The following ZMAT4 variants were observed in gnomAD, a reference collection of about 807,000 sequenced individuals.
ZMAT4 encodes the protein zinc finger matrin-type 4.
Under a neutral mutation model 28.7 loss-of-function variants are expected in ZMAT4, and 17 were observed. That is an observed-to-expected ratio of 0.59 (90% CI 0.41 to 0.89). ZMAT4 has a LOEUF of 0.89. Ranked by LOEUF, ZMAT4 falls within the 40% of genes least tolerant of loss-of-function variation. ZMAT4 has a pLI of 0.00. For synonymous variants in ZMAT4, 117 were observed against 109.2 expected (o/e 1.07, Z -0.44); for missense variants, 240 against 283.8 (o/e 0.85, Z 1.11).
At chr8:40,739,707 C>T (rs1313435789) in intron 3 of ZMAT4, among the ~76,000 whole-genome samples, 1 of 152,146 alleles carries the variant, frequency 6.6e-6, no homozygotes, top group Non-Finnish European at 1.5e-5. Context: ...TATACCTGTG[C>T]CGTGGTGTTC....
intron 5 of ZMAT4, among the ~76,000 whole-genome samples, chr8:40,646,444 C>T (rs1177680893): frequency 6.6e-6 from 1 of 151,724 alleles, no homozygotes; most frequent in African/African-American, 2.4e-5. Context: ...AGTATAAAAA[C>T]CTTACAGTCT....
intron 5 of ZMAT4, among the ~76,000 whole-genome samples, chr8:40,653,018 G>T (rs983133249): frequency 6.6e-6 from 1 of 151,738 alleles, no homozygotes; most frequent in South Asian, 2.1e-4. Context: ...CACCAGCATG[G>T]CACATGTATA....
chr8:40,693,618 C>A (rs763066203), intron 4 of ZMAT4, among the ~76,000 whole-genome samples: 2 of 152,184 alleles, frequency 1.3e-5, no homozygotes, highest in Non-Finnish European at 2.9e-5. Flanking sequence ...ATGTAAAGAA[C>A]CACATAGCAA....
At chr8:40,823,166 T>C (rs560735592) in intron 2 of ZMAT4, among the ~76,000 whole-genome samples, 5 of 152,116 alleles carry the variant, frequency 3.3e-5, no homozygotes, top group African/African-American at 9.6e-5. Flanking sequence ...TGAACACCTG[T>C]CATGGGCAGG....
At chr8:40,850,162 T>G (rs2150634498) in intron 1 of ZMAT4, among the ~76,000 whole-genome samples, 1 of 152,144 alleles carries the variant, frequency 6.6e-6, no homozygotes, top group Admixed American at 6.5e-5. Flanking sequence ...CATCTCACAA[T>G]CCATTCTTCA....
chr8:40,870,272 C>A (rs1248340514), intron 1 of ZMAT4, among the ~76,000 whole-genome samples: 1 of 152,196 alleles, frequency 6.6e-6, no homozygotes. Context: ...GTGGCCTCCC[C>A]TGGAGGCTCT....
chr8:40,889,156 A>C (rs1818574868), intron 1 of ZMAT4, among the ~76,000 whole-genome samples: 1 of 152,218 alleles, frequency 6.6e-6, no homozygotes, highest in Non-Finnish European at 1.5e-5. Context: ...AGGCCTGACC[A>C]CTGCAGGTGA....
chr8:40,674,605 A>T, intron 5 of ZMAT4, 99 bp downstream of exon 5: 6 of 984,028 alleles, frequency 6.1e-6, no homozygotes, highest in Admixed American at 4.3e-5. Flanking sequence ...TTTTTCCTTA[A>T]TAATTAAAGC....
At chr8:40,543,001 G>C (rs1344151864) in intron 6 of ZMAT4, among the ~76,000 whole-genome samples, 1 of 152,180 alleles carries the variant, frequency 6.6e-6, no homozygotes. Flanking sequence ...ACGTCACTCA[G>C]CTCCAAGTTC....
At position 40,550,712 on chromosome 8, in the gene ZMAT4, T is replaced by C. The variant is rs189550037; in HGVS notation, c.675-18474A>G. On this transcript the variant is annotated intron_variant, in intron 6 of 6. Transcript: ENST00000297737. ...CCATCCTGCTGCCCTGTGAGGAAGG[T>C]GCCTGCTTCCCCTTTGCCTTCCACC... is the stretch of plus-strand genomic sequence containing the variant. Among the ~76,000 whole-genome samples the C allele has an allele frequency of 7.8e-3, 1,184 of 152,212 alleles. 61 individuals are homozygous for C. Among genetic ancestry groups the C allele is most frequent in the Admixed American group, 0.074 (1,134 of 15,274 alleles).
intron 4 of ZMAT4, among the ~76,000 whole-genome samples, chr8:40,680,602 C>T (rs528484065): frequency 6.6e-6 from 1 of 151,884 alleles, no homozygotes; most frequent in Non-Finnish European, 1.5e-5. Flanking sequence ...GCCTGTCTGC[C>T]TTCTAGGCCC....
intron 5 of ZMAT4, among the ~76,000 whole-genome samples, chr8:40,626,811 G>A (rs371106365): frequency 1.3e-5 from 2 of 152,158 alleles, no homozygotes; most frequent in African/African-American, 2.4e-5. Context: ...AGCTGGGGAG[G>A]GGGGCTGGAG....
At chr8:40,581,681 CT>C (rs1804468230) in intron 5 of ZMAT4, among the ~76,000 whole-genome samples, 1 of 152,174 alleles carries the variant, frequency 6.6e-6, no homozygotes, top group Non-Finnish European at 1.5e-5. Context: ...GAAAATTCAA[CT>C]TTAGACATCA....
intron 2 of ZMAT4, among the ~76,000 whole-genome samples, chr8:40,798,512 G>A (rs1253362417): frequency 6.6e-6 from 1 of 152,152 alleles, no homozygotes; most frequent in Admixed American, 6.5e-5. Flanking sequence ...CTTACTCCCT[G>A]ACTGATTCCA....
Position 40,770,490 on chromosome 8 carries a change from CTCCCTCCCTCCT to C in ZMAT4, c.103-2772_103-2761del, listed in dbSNP as rs1266026177. 1.4e-4 allele frequency among the ~76,000 whole-genome samples: 22 copies of C among 151,740 alleles called. No individual in the cohort carries two copies. In the East Asian group the frequency reaches 1.7e-3, roughly 12 times the overall value. On this transcript the variant is annotated intron_variant, in intron 2 of 6. Transcript: ENST00000297737. Reference sequence around the variant, plus strand: ...TGCCAGGGAGCCCCCTCCTTCCTTCCTCCCTCCCTCCTTCCCTCCCTCCCTCCCTTTCTTCCT... The same window carrying C: ...TGCCAGGGAGCCCCCTCCTTCCTTCCTCCCTCCCTCCCTCCCTTTCTTCCT...
rs534786220 is a variant in ZMAT4, at chr8:40,827,602, G to A, written c.-4-1922C>T. ...GGCATTTGTCTTCAGCAATTCAAAA[G>A]GATTCACAGTTTCTGCTCCTAAGAG... On this transcript the variant is annotated intron_variant, in intron 1 of 6. Transcript: ENST00000297737. 1.4e-4 allele frequency among the ~76,000 whole-genome samples: 22 copies of A among 152,312 alleles called. 1 individual carries two copies. In the South Asian group the frequency reaches 4.6e-3, roughly 32 times the overall value.
At chr8:40,602,581 G>A (rs1176724194) in intron 5 of ZMAT4, among the ~76,000 whole-genome samples, 12 of 152,118 alleles carry the variant, frequency 7.9e-5, no homozygotes, top group African/African-American at 4.8e-5. Flanking sequence ...GGAGTAAAGT[G>A]ATATTGCTTT....
At chr8:40,538,451 C>T (rs903695654) in intron 6 of ZMAT4, among the ~76,000 whole-genome samples, 3 of 152,174 alleles carry the variant, frequency 2.0e-5, no homozygotes, top group East Asian at 3.9e-4. Context: ...AGCTACACCC[C>T]GACCACCTTA....
chr8:40,636,602 C>A (rs1332763124), intron 5 of ZMAT4, among the ~76,000 whole-genome samples: 2 of 152,138 alleles, frequency 1.3e-5, no homozygotes, highest in Non-Finnish European at 2.9e-5. Context: ...GCCTCAGGGG[C>A]TATCAGAGGA....
Sources: allele counts gnomAD v4.1 joint callset (sites outside exome capture counted in the v4.1 genomes callset), GRCh38; gene constraint gnomAD v4.1.1; transcripts MANE v1.5; gene names NCBI Gene and HGNC (gene_info 2026-07-23, HGNC 2026-07-21).